COL12A1: variants seen among roughly 807,000 people sequenced by gnomAD.
COL12A1 encodes collagen type XII alpha 1 chain.
Under a neutral mutation model 349.7 loss-of-function variants are expected in COL12A1, and 114 were observed. That is an observed-to-expected ratio of 0.33 (90% confidence interval 0.28 to 0.38). COL12A1 has a LOEUF of 0.38. Ranked by LOEUF, COL12A1 falls within the 10% of genes least tolerant of loss-of-function variation. The pLI is 1.00. For synonymous variants in COL12A1, 1,369 were observed against 1,329.0 expected, an observed-to-expected ratio of 1.03 and a Z score of -0.66; for missense variants, 3,284 against 3,756.9, an observed-to-expected ratio of 0.87 and a Z score of 3.29.
At chr6:75,098,595 G>A (rs117264548) in intron 58 of COL12A1, among the ~76,000 whole-genome samples, 3,428 of 152,222 alleles carry the variant, frequency 0.023, 127 homozygotes, top group East Asian at 0.19. Flanking sequence ...AGAGGTCAGG[G>A]CTGCAGTGAG....
rs1767654089 is a variant in COL12A1, at chr6:75,154,484, C to G, written c.3497G>C (p.Ser1166Thr). Residue 1166 changes from serine (S) to threonine (T), a missense_variant, in exon 17 of 66, where the codon AGC becomes ACC. Coordinates refer to ENST00000322507, the MANE Select transcript of COL12A1 (RefSeq NM_004370.6). Reference protein sequence around the residue: ...NVFGMFDGGESSPLVGQEMTT... With the variant: ...NVFGMFDGGETSPLVGQEMTT... Reference sequence around the variant, plus strand: ...CATTTCTTGTCCAACAAGTGGTGAGCTTTCTCCTCCATCAAACATTCCAAA... The same window carrying G: ...CATTTCTTGTCCAACAAGTGGTGAGGTTTCTCCTCCATCAAACATTCCAAA... 6.2e-7 allele frequency: 1 copy of G among 1,611,612 alleles called. No homozygotes were observed. The highest frequency in any genetic ancestry group is 8.5e-7 in the Non-Finnish European group (1 of 1,178,514).
rs79431482 is a variant in COL12A1 at position 75,197,183 on chromosome 6, G to A, written c.74-2236C>T. Among the ~76,000 whole-genome samples the A allele has an allele frequency of 4.7e-3, 714 of 152,162 alleles. 4 individuals carry two copies. Among genetic ancestry groups the A allele is most frequent in the African/African-American group, 0.016 (673 of 41,516 alleles). On this transcript the variant is annotated intron_variant, in intron 2 of 65. Coordinates refer to ENST00000322507, the MANE Select transcript of COL12A1 (RefSeq NM_004370.6). ...ACCCGTGTCAACATAAATCAGTGCT[G>A]AAAAATGTACTTTATTAATTTTAAA...
intron 21 of COL12A1, among the ~76,000 whole-genome samples, chr6:75,149,445 G>A (rs910324394): frequency 2.0e-5 from 3 of 152,070 alleles, no homozygotes; most frequent in African/African-American, 7.2e-5. Flanking sequence ...TGGAGAGAGT[G>A]CAAAGAAACA....
At position 75,107,778 on chromosome 6, in the gene COL12A1, T is replaced by C. The variant is rs903588794; in HGVS notation, c.8100+1240A>G. On this transcript the variant is annotated intron_variant, in intron 52 of 65. Coordinates refer to ENST00000322507, the MANE Select transcript of COL12A1 (RefSeq NM_004370.6). The stretch of plus-strand genomic sequence containing the variant: ...TAGTTTAAAAATAAACCACTTTTGA[T>C]AAAAAGTAAAAAGTTGTTTAGACAA... 3.5e-4 allele frequency among the ~76,000 whole-genome samples: 54 copies of C among 152,174 alleles called. 1 individual carries two copies. The highest frequency in any genetic ancestry group is 1.3e-3 in the African/African-American group (53 of 41,450).
At chr6:75,126,526 A>G in intron 38 of COL12A1, 56 bp from the exon 39 acceptor site, 1 of 1,545,286 alleles carries the variant, frequency 6.5e-7, no homozygotes, top group African/African-American at 1.4e-5. Context: ...CAGGGAGAGC[A>G]CAAAACTTTA....
At chr6:75,151,465 A>T (rs1403914144) in intron 20 of COL12A1, among the ~76,000 whole-genome samples, 178 bp from the exon 21 acceptor site, 1 of 152,206 alleles carries the variant, frequency 6.6e-6, no homozygotes, top group Non-Finnish European at 1.5e-5. Flanking sequence ...GAAACAAAGG[A>T]TAATACAAAC....
chr6:75,151,221 T>G lies in COL12A1; in HGVS notation c.4067A>C (p.Tyr1356Ser), dbSNP rs1323976427. The change falls in exon 21 of 66, where the codon TAC (tyrosine) becomes TCC (serine). Residue 1356 changes from tyrosine to serine, a missense_variant. Tyr to Ser is a moderately radical substitution (Grantham distance 144). Around this residue, in one of 2 missense-constraint regions of COL12A1, gnomAD observed 2,601 missense variants for 2,824.8 expected, o/e 0.92. Coordinates refer to ENST00000322507, the MANE Select transcript of COL12A1 (RefSeq NM_004370.6). Reference sequence around the variant, plus strand: ...GAGTGACTCAAAATCTGCCACATTGTATGCATGGGTATCATCAGGATCAGT... The same window carrying G: ...GAGTGACTCAAAATCTGCCACATTGGATGCATGGGTATCATCAGGATCAGT... Reference protein sequence around the residue: ...IATDPDDTHAYNVADFESLSR... With the variant: ...IATDPDDTHASNVADFESLSR... The G allele has an allele frequency of 1.2e-6, 2 of 1,613,512 alleles. No homozygotes were observed. Among genetic ancestry groups the G allele is most frequent in the East Asian group, 4.5e-5 (2 of 44,878 alleles).
chr6:75,186,782 C>G (rs566847988), intron 8 of COL12A1, among the ~76,000 whole-genome samples: 1 of 152,198 alleles, frequency 6.6e-6, no homozygotes, highest in African/African-American at 2.4e-5. Context: ...GAATACTATA[C>G]AGCCATGAAA....
chr6:75,138,195 T>C, intron 30 of COL12A1, 125 bp downstream of exon 30: 1 of 1,023,278 alleles, frequency 9.8e-7, no homozygotes. Flanking sequence ...TGTAAAAGAG[T>C]TCTCAATGAA....
intron 22 of COL12A1, 122 bp from the exon 23 acceptor site, chr6:75,147,926 T>C (rs1767284805): frequency 1.9e-6 from 2 of 1,078,970 alleles, no homozygotes; most frequent in Non-Finnish European, 2.6e-6. Flanking sequence ...GGCCATTGTC[T>C]TTTGTATTTG....
chr6:75,145,378 C>G lies in COL12A1; in HGVS notation c.4638G>C (p.Gln1546His). 6.2e-7 allele frequency: 1 copy of G among 1,613,900 alleles called. No homozygotes were observed. Among genetic ancestry groups the G allele is most frequent in the Non-Finnish European group, 8.5e-7 (1 of 1,179,866 alleles). The stretch of plus-strand genomic sequence containing the variant: ...CACTAGTGAGGTCGTGCAGGACAGC[C>G]TGGACTGTGACTGCATACTCCGTGT... ...VPNTEYAVTV[Q>H]AVLHDLTSEP... The change falls in exon 25 of 66, where the codon CAG becomes CAC. Residue 1546 changes from glutamine (Q) to histidine (H), a missense_variant. Gln to His is a conservative substitution (Grantham distance 24, BLOSUM62 0). Transcript: ENST00000322507.
At chr6:75,199,751 T>C (rs550751407) in intron 2 of COL12A1, among the ~76,000 whole-genome samples, 64 of 152,322 alleles carry the variant, frequency 4.2e-4, no homozygotes, top group African/African-American at 1.5e-3. Flanking sequence ...CTAAAAATTA[T>C]AGATACTGAA....
chr6:75,163,116 G>T (rs1768107328), intron 14 of COL12A1, among the ~76,000 whole-genome samples: 1 of 152,116 alleles, frequency 6.6e-6, no homozygotes, highest in Non-Finnish European at 1.5e-5. Flanking sequence ...ATTCCTCAAG[G>T]ATCTAGAACT....
chr6:75,126,391 A>G lies in COL12A1; in HGVS notation c.6420T>C (p.Pro2140=). ...CTATTTTATATCCAAGAACTGGAGA[A>G]GGTGAAGGATCCCAGGACACCCTGA... ...TRFRVSWDPS[P]SPVLGYKIVY... Residue 2140 remains proline (P), a synonymous_variant, in exon 39 of 66, where the codon CCT becomes CCC. Coordinates refer to ENST00000322507, the MANE Select transcript of COL12A1 (RefSeq NM_004370.6). 1 of 1,611,578 alleles carries G rather than the reference A, an allele frequency of 6.2e-7. No homozygotes were observed. Among genetic ancestry groups the G allele is most frequent in the South Asian group, 1.1e-5 (1 of 91,026 alleles).
chr6:75,188,417 G>A lies in COL12A1; in HGVS notation c.942C>T (p.Ser314=). The A allele has an allele frequency of 1.9e-6, 3 of 1,613,582 alleles. No homozygotes were observed. The highest frequency in any genetic ancestry group is 1.7e-4 in the Middle Eastern group (1 of 6,054). ...AIVDIQNEII[S]QVCSGVDEQL... The stretch of plus-strand genomic sequence containing the variant: ...GTTCATCAACACCTGAGCACACCTG[G>A]GAGATGATCTCATTCTGAATATCCA... Residue 314 remains serine (S), a synonymous_variant, in exon 8 of 66, where the codon TCC becomes TCT. Coordinates refer to ENST00000322507, the MANE Select transcript of COL12A1 (RefSeq NM_004370.6).
intron 31 of COL12A1, among the ~76,000 whole-genome samples, chr6:75,136,603 G>A (rs185112734): frequency 2.0e-5 from 3 of 152,196 alleles, no homozygotes; most frequent in African/African-American, 7.2e-5. Flanking sequence ...TGTCTCTAAG[G>A]CTATATAAGA....
At chr6:75,128,925 AG>A (rs1444309051) in intron 37 of COL12A1, among the ~76,000 whole-genome samples, 5 of 152,224 alleles carry the variant, frequency 3.3e-5, no homozygotes, top group African/African-American at 1.2e-4. Flanking sequence ...GGCTGACACT[AG>A]TTAGCTGAAA....
chr6:75,169,380 A>G (rs1364770670), intron 13 of COL12A1, among the ~76,000 whole-genome samples: 2 of 152,194 alleles, frequency 1.3e-5, no homozygotes, highest in Non-Finnish European at 2.9e-5. Context: ...TCTGTAGGCT[A>G]TCTCTAGGAG....
At chr6:75,203,687 C>T (rs894520988) in intron 1 of COL12A1, among the ~76,000 whole-genome samples, 7 of 152,172 alleles carry the variant, frequency 4.6e-5, no homozygotes, top group African/African-American at 1.7e-4. Context: ...GAATCTTATT[C>T]ATCTTTGTGG....
Sources: gnomAD v4.1 joint callset for allele counts (sites outside exome capture counted in the v4.1 genomes callset) on GRCh38, gnomAD v4.1.1 for gene constraint, gnomAD v4.1.1 regional missense constraint, MANE v1.5 for transcripts, NCBI Gene and HGNC (gene_info 2026-07-23, HGNC 2026-07-21) for gene names.